The following GLB1L3 variants were observed in gnomAD, a reference collection of about 807,000 sequenced individuals.
GLB1L3 encodes galactosidase beta 1 like 3, also known as beta-galactosidase-1-like protein 3.
GLB1L3 carries 89 observed loss-of-function variants against 89.5 expected under a neutral mutation model. That is an observed-to-expected ratio of 0.99 (90% CI 0.84 to 1.19). GLB1L3 has a LOEUF of 1.19. Ranked by LOEUF, GLB1L3 falls within the 50% of genes most tolerant of loss-of-function variation. The pLI is 0.00. For synonymous variants in GLB1L3, 314 were observed against 312.3 expected (o/e 1.01, Z -0.06); for missense variants, 812 against 813.3 (o/e 1.00, Z 0.02).
At chr11:134,290,189 G>T (rs535930442) in intron 7 of GLB1L3, among the ~76,000 whole-genome samples, 1 of 148,620 alleles carries the variant, frequency 6.7e-6, no homozygotes, top group South Asian at 2.1e-4. Flanking sequence ...TTATTTAATC[G>T]GTTGTATTCA....
intron 6 of GLB1L3, among the ~76,000 whole-genome samples, chr11:134,285,175 A>G (rs1388387010): frequency 6.6e-6 from 1 of 151,690 alleles, no homozygotes; most frequent in Non-Finnish European, 1.5e-5. Flanking sequence ...TGATCCCACC[A>G]CCTCTGCCTC....
chr11:134,276,973 T>G (rs1940400354), intron 1 of GLB1L3, among the ~76,000 whole-genome samples: 2 of 152,122 alleles, frequency 1.3e-5, no homozygotes, highest in Admixed American at 1.3e-4. Flanking sequence ...TGCCAGAAAA[T>G]CAGGGTGGGG....
chr11:134,276,735 G>A lies in GLB1L3; in HGVS notation c.-6G>A, dbSNP rs1940385751. 2.8e-6 allele frequency: 4 copies of A among 1,450,828 alleles called. No homozygotes were observed. The highest frequency in any genetic ancestry group is 2.7e-6 in the Non-Finnish European group (3 of 1,103,678). 89.9% of individuals were successfully genotyped at this position (1,450,828 alleles called of 1,614,324 possible). ...AAGGGACCCTCGGCGCCTCGGCCTG[G>A]CCGCGATGAAGTCCCCGCCCCTCCT... On this transcript the variant is annotated 5_prime_UTR_variant, in exon 1 of 20. Coordinates refer to ENST00000431683, the MANE Select transcript of GLB1L3 (RefSeq NM_001080407.3).
chr11:134,313,644 G>A (rs1351605561), intron 16 of GLB1L3, among the ~76,000 whole-genome samples, 170 bp downstream of exon 16: 1 of 152,192 alleles, frequency 6.6e-6, no homozygotes, highest in African/African-American at 2.4e-5. Flanking sequence ...TGCCTTCTCT[G>A]ATCTCCAGGG....
chr11:134,296,697 T>C (rs1309138121), intron 9 of GLB1L3, among the ~76,000 whole-genome samples: 2 of 66,826 alleles, frequency 3.0e-5, no homozygotes, highest in Admixed American at 5.4e-4. Context: ...TGTTGTGGGG[T>C]GGGGGGAGGG....
chr11:134,287,063 A>G (rs1202424635), intron 6 of GLB1L3: 1 of 151,720 alleles, frequency 6.6e-6, no homozygotes, highest in Non-Finnish European at 1.5e-5. Flanking sequence ...CGGGAGGCTG[A>G]CGCAGGAGAA....
intron 9 of GLB1L3, among the ~76,000 whole-genome samples, chr11:134,303,366 G>A (rs1009100141): frequency 6.6e-6 from 1 of 152,132 alleles, no homozygotes; most frequent in Non-Finnish European, 1.5e-5. Flanking sequence ...GACTGAAGTT[G>A]AACCTGCCAT....
At position 134,312,468 on chromosome 11, in the gene GLB1L3, C is replaced by G; in HGVS notation, c.1407C>G (p.Ala469=). ...KSICSGGRLR[A]HAHDVAQVFL... is the part of the protein sequence containing the mutation. Reference sequence around the variant, plus strand: ...TCTGCTCCGGAGGCCGCCTCCGTGCCCACGCTCATGACGTGGCACAGGTAG... The same window carrying G: ...TCTGCTCCGGAGGCCGCCTCCGTGCGCACGCTCATGACGTGGCACAGGTAG... The change falls in exon 14 of 20, where the codon GCC becomes GCG. Residue 469 remains alanine (A), a synonymous_variant. Transcript: ENST00000431683. 1.9e-6 allele frequency: 3 copies of G among 1,612,950 alleles called. No homozygotes were observed. In the South Asian group the frequency reaches 3.3e-5, roughly 18 times the overall value.
chr11:134,276,658 G>C lies in GLB1L3; in HGVS notation c.-83G>C, dbSNP rs1940383257. The C allele has an allele frequency of 1.9e-5, 24 of 1,252,986 alleles. No homozygotes were observed. The highest frequency in any genetic ancestry group is 2.4e-5 in the Non-Finnish European group (23 of 972,784). 77.6% of individuals were successfully genotyped at this position (1,252,986 alleles called of 1,614,324 possible). On this transcript the variant is annotated 5_prime_UTR_variant, in exon 1 of 20. Coordinates refer to ENST00000431683, the MANE Select transcript of GLB1L3 (RefSeq NM_001080407.3). ...AGCCTGCCCCGCGGAACCGGGGCTC[G>C]AGTCCCGGCCCGAGCGCGGCGTCGG...
rs1041293519 is a variant in GLB1L3, at chr11:134,310,713, A to G, written c.1180+62A>G. On this transcript the variant is annotated intron_variant, in intron 12 of 19. Transcript: ENST00000431683. ...CTCATGTGGAGTCTCTGTTCTGTGG[A>G]AAAGTGAGGAAGGCGTGGGTCTCCC... 89 of 1,307,868 alleles carry G rather than the reference A, an allele frequency of 6.8e-5. No homozygotes were observed. The Admixed American group carries it at 1.6e-3, about 24-fold the overall frequency. The allele number at this position is 1,307,868 out of a possible 1,614,324, so 81.0% of individuals were successfully genotyped here.
At chr11:134,277,648 T>C (rs893925275) in intron 2 of GLB1L3, 52 bp from the exon 3 acceptor site, 3 of 1,562,498 alleles carry the variant, frequency 1.9e-6, no homozygotes, top group African/African-American at 2.7e-5. Flanking sequence ...CCGAGCCCTC[T>C]CCCGAATCCT....
intron 10 of GLB1L3, among the ~76,000 whole-genome samples, chr11:134,308,191 C>CATCACCACT (rs1565412175): frequency 9.4e-6 from 1 of 106,190 alleles, no homozygotes; most frequent in African/African-American, 5.2e-5. Context: ...TCACCATCAT[C>CATCACCACT]ACCATCACCA....
Position 134,319,087 on chromosome 11 carries a change from TG to T in GLB1L3, c.*148del. The stretch of plus-strand genomic sequence containing the variant: ...CTCCTGCCTCAGCCTCCCCAGCAGC[TG>T]GGACTACAGGTGCACGCCACCACGC... On this transcript the variant is annotated 3_prime_UTR_variant, in exon 20 of 20. Transcript: ENST00000431683. 1 of 633,688 alleles carries T rather than the reference TG, an allele frequency of 1.6e-6. No homozygotes were observed. Among genetic ancestry groups the T allele is most frequent in the East Asian group, 2.7e-5 (1 of 37,006 alleles). 39.3% of individuals were successfully genotyped at this position (633,688 alleles called of 1,614,324 possible).
intron 9 of GLB1L3, chr11:134,304,995 C>T (rs774695341): frequency 8.5e-5 from 92 of 1,080,704 alleles, no homozygotes; most frequent in Admixed American, 2.4e-4. Flanking sequence ...AGCCCGCATG[C>T]GACTGCGCTA....
chr11:134,307,011 G>C, intron 9 of GLB1L3, 113 bp from the exon 10 acceptor site: 1 of 699,434 alleles, frequency 1.4e-6, no homozygotes, highest in Non-Finnish European at 2.4e-6. Flanking sequence ...GCTCTGAATT[G>C]GGAAAAAGGA....
intron 11 of GLB1L3, 71 bp from the exon 12 acceptor site, chr11:134,310,500 C>T: frequency 8.3e-7 from 1 of 1,210,310 alleles, no homozygotes; most frequent in Non-Finnish European, 1.2e-6. Context: ...TGGCCATCTC[C>T]TGCCAGCGGT....
At chr11:134,294,396 T>G (rs1941523825) in intron 9 of GLB1L3, among the ~76,000 whole-genome samples, 1 of 152,244 alleles carries the variant, frequency 6.6e-6, no homozygotes, top group Non-Finnish European at 1.5e-5. Context: ...AGTTTCCAAC[T>G]CGGTGAAAGG....
rs1180142561 is a variant in GLB1L3, at chr11:134,277,355, G to C, written c.53G>C (p.Gly18Ala). 4 of 1,613,800 alleles carry C rather than the reference G, an allele frequency of 2.5e-6. No homozygotes were observed. In the African/African-American group the frequency reaches 4.0e-5, roughly 16 times the overall value. ...SPCLSWKRMAGIFFLPFISSG... is the reference protein window; with the variant it reads ...SPCLSWKRMAAIFFLPFISSG... ...TGTCTCTCCTGGAAGAGAATGGCGG[G>C]CATCTTTTTCCTGCCATTTATCTCA... is the stretch of plus-strand genomic sequence containing the variant. Residue 18 changes from glycine to alanine, a missense_variant, in exon 2 of 20, where the codon GGC (glycine) becomes GCC (alanine). Physicochemically the swap from Gly to Ala is moderately conservative, Grantham distance 60 (BLOSUM62 0). This residue lies in a region of GLB1L3 where 191 missense variants were observed against 191.4 expected (regional missense o/e 1.00). Coordinates refer to ENST00000431683, the MANE Select transcript of GLB1L3 (RefSeq NM_001080407.3).
At position 134,318,706 on chromosome 11, in the gene GLB1L3, C is replaced by G. The variant is rs761753983; in HGVS notation, c.1855C>G (p.Leu619Val). Residue 619 changes from leucine to valine, a missense_variant, in exon 19 of 20, where the codon CTG (leucine) becomes GTG (valine). Leu to Val is a conservative substitution (Grantham distance 32). Around this residue, in one of 3 missense-constraint regions of GLB1L3, gnomAD observed 618 missense variants for 604.0 expected, o/e 1.02. Coordinates refer to ENST00000431683, the MANE Select transcript of GLB1L3 (RefSeq NM_001080407.3). ...RYWNIGPQKT[L>V]YLPGVWLHPE... ...TTGGAATATTGGGCCTCAGAAAACACTGTACCTTCCTGGAGTTTGGCTTCA... is the reference window on the plus strand; with the variant it reads ...TTGGAATATTGGGCCTCAGAAAACAGTGTACCTTCCTGGAGTTTGGCTTCA... The G allele has an allele frequency of 1.9e-6, 3 of 1,612,784 alleles. No individual in the cohort carries two copies. Among genetic ancestry groups the G allele is most frequent in the Non-Finnish European group, 1.7e-6 (2 of 1,179,114 alleles).
Sources: allele counts gnomAD v4.1 joint callset (sites outside exome capture counted in the v4.1 genomes callset), GRCh38; gene constraint gnomAD v4.1.1; regional missense constraint gnomAD v4.1.1; transcripts MANE v1.5; gene names NCBI Gene and HGNC (gene_info 2026-07-23, HGNC 2026-07-21).